The following RBMS3 variants were observed in gnomAD, a reference collection of about 807,000 sequenced individuals.
RBMS3 encodes the protein RNA-binding motif, single-stranded-interacting protein 3.
Under a neutral mutation model 66.8 loss-of-function variants are expected in RBMS3, and 27 were observed. That is an observed-to-expected ratio of 0.40 (90% CI 0.30 to 0.56). The LOEUF is 0.56. Among genes scored for constraint, RBMS3 ranks in the 20% least tolerant of loss-of-function variants. The pLI is 0.40. For synonymous variants in RBMS3, 188 were observed against 183.0 expected (o/e 1.03, Z -0.22); for missense variants, 513 against 549.5 (o/e 0.93, Z 0.66).
chr3:29,837,531 G>A (rs1021171103), intron 6 of RBMS3, among the ~76,000 whole-genome samples: 1 of 151,066 alleles, frequency 6.6e-6, no homozygotes, highest in Non-Finnish European at 1.5e-5. Flanking sequence ...AGAGATAAAA[G>A]TTTGTACCCC....
chr3:29,701,689 G>A (rs1247408591), intron 4 of RBMS3, among the ~76,000 whole-genome samples: 1 of 152,172 alleles, frequency 6.6e-6, no homozygotes, highest in East Asian at 1.9e-4. Flanking sequence ...CGGCGCCACC[G>A]GCCTTGGGCA....
At chr3:29,689,040 T>C (rs1165318477) in intron 4 of RBMS3, among the ~76,000 whole-genome samples, 1 of 152,066 alleles carries the variant, frequency 6.6e-6, no homozygotes, top group East Asian at 1.9e-4. Flanking sequence ...GGGCTAATCA[T>C]TTAAAAAAAT....
intron 1 of RBMS3, among the ~76,000 whole-genome samples, chr3:29,393,175 A>G (rs1476735276): frequency 6.6e-6 from 1 of 152,200 alleles, no homozygotes; most frequent in Non-Finnish European, 1.5e-5. Flanking sequence ...CTTATGACAG[A>G]TATAGCCCAT....
chr3:29,293,033 C>T (rs938304861), intron 1 of RBMS3, among the ~76,000 whole-genome samples: 12 of 151,718 alleles, frequency 7.9e-5, no homozygotes, highest in African/African-American at 2.2e-4. Context: ...TGTTTTTGCA[C>T]TTGTTGCAGC....
At chr3:29,677,092 T>C (rs2051288821) in intron 4 of RBMS3, among the ~76,000 whole-genome samples, 1 of 151,998 alleles carries the variant, frequency 6.6e-6, no homozygotes, top group South Asian at 2.1e-4. Context: ...CTACACACTT[T>C]TAAACAACCA....
chr3:29,889,735 A>G (rs966293050), intron 8 of RBMS3, among the ~76,000 whole-genome samples: 5 of 151,612 alleles, frequency 3.3e-5, no homozygotes, highest in South Asian at 2.1e-4. Flanking sequence ...ATATAACTCA[A>G]TGAAGACAGG....
At chr3:29,791,251 T>C (rs2057003293) in intron 6 of RBMS3, among the ~76,000 whole-genome samples, 1 of 152,212 alleles carries the variant, frequency 6.6e-6, no homozygotes, top group Non-Finnish European at 1.5e-5. Context: ...TTCCATTTCC[T>C]GCATTGATCT....
chr3:29,391,031 A>G, intron 1 of RBMS3: 1 of 393,424 alleles, frequency 2.5e-6, no homozygotes. Context: ...TTGTATGTCA[A>G]GTTGGTGGAG....
At chr3:29,460,652 A>G (rs1479477829) in intron 2 of RBMS3, among the ~76,000 whole-genome samples, 1 of 152,222 alleles carries the variant, frequency 6.6e-6, no homozygotes, top group African/African-American at 2.4e-5. Flanking sequence ...CCTACATAAC[A>G]AATTTTATTA....
chr3:29,573,969 G>C (rs1254420392), intron 3 of RBMS3, among the ~76,000 whole-genome samples: 1 of 151,936 alleles, frequency 6.6e-6, no homozygotes. Context: ...GGTTTGTTTT[G>C]TGACCTAACA....
intron 3 of RBMS3, 121 bp downstream of exon 3, chr3:29,488,620 CTT>C: frequency 1.4e-6 from 1 of 707,926 alleles, no homozygotes; most frequent in Non-Finnish European, 2.2e-6. Context: ...TGGAAAACCT[CTT>C]TAATGATGCC....
At chr3:29,431,313 T>TTTTTTTC (rs55778246) in intron 1 of RBMS3, among the ~76,000 whole-genome samples, 15 of 150,348 alleles carry the variant, frequency 1.0e-4, no homozygotes, top group African/African-American at 3.4e-4. Flanking sequence ...TTTTTTTTTT[T>TTTTTTTC]GACAGAGTCT....
intron 4 of RBMS3, among the ~76,000 whole-genome samples, chr3:29,654,722 C>A (rs1196819266): frequency 6.6e-6 from 1 of 151,026 alleles, no homozygotes; most frequent in East Asian, 2.0e-4. Flanking sequence ...ACTAGAGTAG[C>A]TGGAATACAG....
chr3:29,445,488 T>C (rs941394474), intron 2 of RBMS3, among the ~76,000 whole-genome samples: 1 of 152,052 alleles, frequency 6.6e-6, no homozygotes, highest in African/African-American at 2.4e-5. Flanking sequence ...TTCCACCAAA[T>C]CTGCTAATTC....
At chr3:29,531,127 G>A (rs761160061) in intron 3 of RBMS3, among the ~76,000 whole-genome samples, 8 of 152,164 alleles carry the variant, frequency 5.3e-5, no homozygotes, top group Non-Finnish European at 1.2e-4. Context: ...TTCATCCAGT[G>A]AGGAATGGAA....
chr3:29,789,166 T>A (rs946975108), intron 6 of RBMS3, among the ~76,000 whole-genome samples: 2 of 138,702 alleles, frequency 1.4e-5, no homozygotes. Flanking sequence ...TCATGATGTA[T>A]TTTTTTTGCC....
intron 12 of RBMS3, among the ~76,000 whole-genome samples, chr3:29,984,080 C>G (rs1031942488): frequency 2.0e-5 from 3 of 152,132 alleles, no homozygotes; most frequent in Non-Finnish European, 4.4e-5. Flanking sequence ...TTCACATACT[C>G]CCATATTTCT....
intron 6 of RBMS3, among the ~76,000 whole-genome samples, chr3:29,777,706 T>A (rs4449269): frequency 0.65 from 98,518 of 151,638 alleles, 32,336 homozygotes; most frequent in East Asian, 0.88. Flanking sequence ...TTAAAGAGTA[T>A]TGACCTATGG....
chr3:29,591,323 A>G (rs1226581472), intron 4 of RBMS3, among the ~76,000 whole-genome samples: 5 of 152,204 alleles, frequency 3.3e-5, no homozygotes, highest in Admixed American at 3.3e-4. Context: ...TCAGCAAGTC[A>G]TACCTTTAAA....
Sources: allele counts gnomAD v4.1 joint callset (sites outside exome capture counted in the v4.1 genomes callset), GRCh38; gene constraint gnomAD v4.1.1; transcripts MANE v1.5; gene names NCBI Gene and HGNC (gene_info 2026-07-23, HGNC 2026-07-21).